The following TEAD1 variants were observed in gnomAD, a reference collection of about 807,000 sequenced individuals.
TEAD1 encodes TEA domain transcription factor 1.
In TEAD1, 9 loss-of-function variants were observed where a neutral mutation model predicts 54.9. The observed-to-expected ratio is 0.16, with a 90% CI of 0.10 to 0.29. The LOEUF is 0.29. Ranked by LOEUF, TEAD1 falls within the 10% of genes least tolerant of loss-of-function variation. The pLI is 1.00. For synonymous variants in TEAD1, 200 were observed against 187.8 expected, an observed-to-expected ratio of 1.07 and a Z score of -0.53; for missense variants, 387 against 535.9, an observed-to-expected ratio of 0.72 and a Z score of 2.74.
chr11:12,692,900 A>C (rs1590057528), intron 2 of TEAD1, among the ~76,000 whole-genome samples: 1 of 150,618 alleles, frequency 6.6e-6, no homozygotes. Context: ...TGCTTCCTCC[A>C]CCCCCACCCC....
At chr11:12,820,830 T>C (rs943109065) in intron 3 of TEAD1, among the ~76,000 whole-genome samples, 13 of 152,142 alleles carry the variant, frequency 8.5e-5, no homozygotes, top group Non-Finnish European at 1.8e-4. Context: ...TTAACTTAAA[T>C]AAATCAAAGC....
rs546065686 is a variant in TEAD1 at position 12,879,548 on chromosome 11, G to A, written c.331-160G>A. 758 of 862,406 alleles carry A rather than the reference G, an allele frequency of 8.8e-4. 3 individuals are homozygous for A. The Middle Eastern group carries it at 0.011, about 12-fold the overall frequency. 53.4% of individuals were successfully genotyped at this position (862,406 alleles called of 1,614,324 possible). A position where few individuals can be genotyped will look rare whatever the true frequency, so the allele number is the denominator to read the frequency against. On this transcript the variant is annotated intron_variant, in intron 5 of 12. Transcript: ENST00000527636. Reference sequence around the variant, plus strand: ...TGAGAGGTACGGTAGGTTGAGTGTGGTTTAGCCTTCTGGCTGTGTTATTTA... The same window carrying A: ...TGAGAGGTACGGTAGGTTGAGTGTGATTTAGCCTTCTGGCTGTGTTATTTA...
chr11:12,915,667 G>A (rs1948699138), intron 10 of TEAD1, among the ~76,000 whole-genome samples: 1 of 152,188 alleles, frequency 6.6e-6, no homozygotes, highest in African/African-American at 2.4e-5. Flanking sequence ...GGCCAACATA[G>A]TGAAACCCCA....
chr11:12,741,545 G>A (rs1370180347), intron 2 of TEAD1, among the ~76,000 whole-genome samples: 1 of 152,070 alleles, frequency 6.6e-6, no homozygotes, highest in Non-Finnish European at 1.5e-5. Context: ...GCTTGAATTT[G>A]CCATTTTTCT....
intron 10 of TEAD1, among the ~76,000 whole-genome samples, chr11:12,912,744 C>G (rs1316015796): frequency 6.6e-6 from 1 of 152,184 alleles, no homozygotes; most frequent in African/African-American, 2.4e-5. Flanking sequence ...ACCACAGATA[C>G]TTCTCTTTTT....
chr11:12,786,519 T>C (rs1175799165), intron 3 of TEAD1, among the ~76,000 whole-genome samples: 4 of 152,204 alleles, frequency 2.6e-5, no homozygotes, highest in Non-Finnish European at 5.9e-5. Context: ...AACAAAAAGT[T>C]ATTTTTTAGT....
At chr11:12,871,220 T>G (rs977611484) in intron 5 of TEAD1, among the ~76,000 whole-genome samples, 3 of 152,234 alleles carry the variant, frequency 2.0e-5, no homozygotes, top group Non-Finnish European at 4.4e-5. Context: ...TGTCACCAGC[T>G]GCAGCGACAG....
At chr11:12,705,350 A>T (rs1422020741) in intron 2 of TEAD1, among the ~76,000 whole-genome samples, 1 of 152,064 alleles carries the variant, frequency 6.6e-6, no homozygotes, top group Non-Finnish European at 1.5e-5. Context: ...TCACCTCAAA[A>T]CCTGCGTGAA....
At chr11:12,907,924 G>A (rs1161325738) in intron 10 of TEAD1, among the ~76,000 whole-genome samples, 2 of 152,334 alleles carry the variant, frequency 1.3e-5, no homozygotes, top group Middle Eastern at 3.4e-3. Context: ...TTAAATGGAA[G>A]CTAATGGTGA....
At position 12,837,709 on chromosome 11, in the gene TEAD1, C is replaced by CTTCTTCT. The variant is rs200985884; in HGVS notation, c.203-24537_203-24536insTCTTTCT. On this transcript the variant is annotated intron_variant, in intron 3 of 12. Coordinates refer to ENST00000527636, the MANE Select transcript of TEAD1 (RefSeq NM_021961.6). ...CTCCCTTCTCCCTTCTCCCTTCTCC[C>CTTCTTCT]TTCTCCTTCTCCTTCTTCTTCTCCT... Among the ~76,000 whole-genome samples, 19 of 146,610 alleles carry CTTCTTCT rather than the reference C, an allele frequency of 1.3e-4. No individual in the cohort carries two copies. In the East Asian group the frequency reaches 3.0e-3, roughly 23 times the overall value.
chr11:12,757,669 G>A (rs1417351146), intron 2 of TEAD1, among the ~76,000 whole-genome samples: 2 of 152,226 alleles, frequency 1.3e-5, no homozygotes, highest in Non-Finnish European at 2.9e-5. Context: ...GAATGTGAAA[G>A]TAGCTGAAAC....
At chr11:12,748,543 T>C (rs767582572) in intron 2 of TEAD1, among the ~76,000 whole-genome samples, 15 of 152,054 alleles carry the variant, frequency 9.9e-5, no homozygotes, top group Non-Finnish European at 2.1e-4. Context: ...TTCAAGTGAG[T>C]GTATGATGAA....
chr11:12,885,459 G>A (rs576673967), intron 9 of TEAD1, among the ~76,000 whole-genome samples: 51 of 151,944 alleles, frequency 3.4e-4, no homozygotes, highest in Non-Finnish European at 6.3e-4. Flanking sequence ...GGGTGGTCTC[G>A]ATCTCCTGAC....
Position 12,901,976 on chromosome 11 carries a change from A to C in TEAD1, c.736A>C (p.Asn246His). 1.9e-6 allele frequency: 3 copies of C among 1,614,214 alleles called. No individual in the cohort carries two copies. The South Asian group carries it at 3.3e-5, about 18-fold the overall frequency. The stretch of plus-strand genomic sequence containing the variant: ...CCTCTTCGTGCACATTGGGCATGCC[A>C]ACCATTCTTACAGTGACCCATTGCT... Residue 246 changes from asparagine to histidine, a missense_variant, in exon 10 of 13, where the codon AAC becomes CAC. By Grantham distance (68) the Asn-to-His change is moderately conservative (BLOSUM62 1). Coordinates refer to ENST00000527636, the MANE Select transcript of TEAD1 (RefSeq NM_021961.6).
chr11:12,772,458 G>C (rs1044442137), intron 3 of TEAD1, among the ~76,000 whole-genome samples: 42 of 152,142 alleles, frequency 2.8e-4, no homozygotes, highest in Non-Finnish European at 5.3e-4. Context: ...CCGAGAGGGG[G>C]CCTCATTGCT....
chr11:12,915,392 C>T (rs1026193136), intron 10 of TEAD1, among the ~76,000 whole-genome samples: 9 of 152,210 alleles, frequency 5.9e-5, no homozygotes, highest in African/African-American at 1.9e-4. Context: ...ATGATCCACT[C>T]TGTCCCCTGG....
At chr11:12,820,175 G>A (rs1007160989) in intron 3 of TEAD1, among the ~76,000 whole-genome samples, 2 of 152,184 alleles carry the variant, frequency 1.3e-5, no homozygotes, top group African/African-American at 4.8e-5. Flanking sequence ...TATGTATGGG[G>A]AGTGGGACGT....
chr11:12,887,694 C>T (rs528732807), intron 9 of TEAD1, among the ~76,000 whole-genome samples: 3 of 152,314 alleles, frequency 2.0e-5, no homozygotes, highest in Admixed American at 2.0e-4. Context: ...GTTTTTGTGA[C>T]TTCTCAGACT....
intron 3 of TEAD1, among the ~76,000 whole-genome samples, chr11:12,825,478 T>C (rs1946633648): frequency 6.6e-6 from 1 of 152,200 alleles, no homozygotes; most frequent in African/African-American, 2.4e-5. Flanking sequence ...TGAACACAAT[T>C]CTGAGGAATA....
Sources: allele counts gnomAD v4.1 joint callset (sites outside exome capture counted in the v4.1 genomes callset), GRCh38; gene constraint gnomAD v4.1.1; transcripts MANE v1.5; gene names NCBI Gene and HGNC (gene_info 2026-07-23, HGNC 2026-07-21).